ANKRD30B: variants seen among roughly 807,000 people sequenced by gnomAD.
The protein encoded by ANKRD30B is ankyrin repeat domain-containing protein 30B.
Under a neutral mutation model 202.2 loss-of-function variants are expected in ANKRD30B, and 144 were observed. The ratio of observed to expected loss-of-function variants is 0.71; its 90% CI spans 0.62 to 0.82. The LOEUF is 0.82. ANKRD30B is among the 40% of genes least tolerant of loss of function. The pLI, the probability that ANKRD30B is intolerant of heterozygous loss-of-function variation, is 0.00. For synonymous variants in ANKRD30B, 508 were observed against 561.3 expected (o/e 0.91, Z 1.34); for missense variants, 1,487 against 1,669.1 (o/e 0.89, Z 1.90).
chr18:14,908,830 G>A, the ANKRD30B span, among the ~76,000 whole-genome samples: 1 of 152,302 alleles, frequency 6.6e-6, no homozygotes, highest in Admixed American at 6.5e-5. Flanking sequence ...CTCCCCTGTG[G>A]TATGGGAGGA....
chr18:14,796,780 G>A (rs111810880), intron 18 of ANKRD30B, among the ~76,000 whole-genome samples: 8 of 136,660 alleles, frequency 5.9e-5, no homozygotes, highest in African/African-American at 2.1e-4. Context: ...ACAATTCACT[G>A]GATATACCCA....
the ANKRD30B span, among the ~76,000 whole-genome samples, chr18:14,868,033 A>G: frequency 2.6e-5 from 4 of 152,314 alleles, no homozygotes; most frequent in East Asian, 1.9e-4. Flanking sequence ...TGTGGCAGCC[A>G]TGGTGATGGA....
At chr18:14,821,155 G>A (rs578184710) in intron 30 of ANKRD30B, among the ~76,000 whole-genome samples, 2 of 152,130 alleles carry the variant, frequency 1.3e-5, no homozygotes, top group Non-Finnish European at 2.9e-5. Flanking sequence ...TTGCGTAGAG[G>A]TGTTTGTAGT....
chr18:14,871,382 A>T, the ANKRD30B span, among the ~76,000 whole-genome samples: 1 of 151,122 alleles, frequency 6.6e-6, no homozygotes, highest in Non-Finnish European at 1.5e-5. Flanking sequence ...TGTGTGCAGC[A>T]TAGAAAGGTC....
chr18:14,871,458 A>G, the ANKRD30B span, among the ~76,000 whole-genome samples: 1 of 151,280 alleles, frequency 6.6e-6, no homozygotes, highest in African/African-American at 2.4e-5. Flanking sequence ...TGATGGGGAC[A>G]AAGAATGCAC....
At chr18:14,915,317 A>T in the ANKRD30B span, among the ~76,000 whole-genome samples, 3 of 152,202 alleles carry the variant, frequency 2.0e-5, no homozygotes, top group East Asian at 5.8e-4. Context: ...AGAAAAAGAC[A>T]CTGCACCTCT....
intron 16 of ANKRD30B, among the ~76,000 whole-genome samples, chr18:14,793,755 G>A (rs1486352736): frequency 3.3e-5 from 5 of 151,906 alleles, no homozygotes; most frequent in South Asian, 2.1e-4. Flanking sequence ...TTAGCCGGGC[G>A]TGGCGGTGGG....
At chr18:14,879,349 T>C in the ANKRD30B span, among the ~76,000 whole-genome samples, 2 of 152,062 alleles carry the variant, frequency 1.3e-5, no homozygotes, top group African/African-American at 4.8e-5. Flanking sequence ...AAATGCAGCA[T>C]TCCTAATGCA....
At chr18:14,787,787 G>C (rs1281062009) in intron 15 of ANKRD30B, among the ~76,000 whole-genome samples, 1 of 152,212 alleles carries the variant, frequency 6.6e-6, no homozygotes, top group Non-Finnish European at 1.5e-5. Flanking sequence ...ACTGTGGAAA[G>C]ACATAGAAAG....
chr18:14,862,472 C>G, the ANKRD30B span, among the ~76,000 whole-genome samples: 1 of 152,154 alleles, frequency 6.6e-6, no homozygotes, highest in African/African-American at 2.4e-5. Flanking sequence ...AAAAAAGATC[C>G]TCAGAATATG....
chr18:14,930,146 G>A, the ANKRD30B span, among the ~76,000 whole-genome samples: 9 of 152,184 alleles, frequency 5.9e-5, no homozygotes, highest in African/African-American at 2.2e-4. Flanking sequence ...GGGGGAAGAA[G>A]CAGGACACTG....
At chr18:14,864,525 AT>A in the ANKRD30B span, among the ~76,000 whole-genome samples, 5 of 149,286 alleles carry the variant, frequency 3.3e-5, no homozygotes, top group South Asian at 2.1e-4. Flanking sequence ...TTTCCCCACC[AT>A]TTTTTCCCCA....
chr18:14,763,729 G>A lies in ANKRD30B; in HGVS notation c.864G>A (p.Ala288=), dbSNP rs371639612. 29 of 1,613,914 alleles carry A rather than the reference G, an allele frequency of 1.8e-5. No individual in the cohort carries two copies. The highest frequency in any genetic ancestry group is 1.6e-4 in the Middle Eastern group (1 of 6,084). ...CACCTGATGAGGCTGCACCCTTGGC[G>A]GAAAGAACACCTGACACGGCTGAAA... The part of the protein sequence containing the change: ...TGTPDEAAPL[A]ERTPDTAESL... The change falls in exon 7 of 44, where the codon GCG becomes GCA. Residue 288 remains alanine (A), a synonymous_variant. Transcript: ENST00000690538.
chr18:14,912,810 T>C, the ANKRD30B span, among the ~76,000 whole-genome samples: 1 of 152,256 alleles, frequency 6.6e-6, no homozygotes, highest in Non-Finnish European at 1.5e-5. Context: ...TGTTCTGTTT[T>C]GGATTTCTAC....
Position 14,815,734 on chromosome 18 carries a change from G to A in ANKRD30B, c.2641+1023G>A, listed in dbSNP as rs533170146. 3.3e-5 allele frequency among the ~76,000 whole-genome samples: 5 copies of A among 152,246 alleles called. No homozygotes were observed. The East Asian group carries it at 7.7e-4, about 23-fold the overall frequency. On this transcript the variant is annotated intron_variant, in intron 30 of 43. Coordinates refer to ENST00000690538, the MANE Select transcript of ANKRD30B (RefSeq NM_001367607.2). ...TTATAGTGATTTTAACATAGAAAAT[G>A]TTATTAATATTTAATAAGTCTGTTG...
intron 34 of ANKRD30B, among the ~76,000 whole-genome samples, chr18:14,833,422 C>T (rs1158526084): frequency 6.6e-6 from 1 of 152,142 alleles, no homozygotes; most frequent in Non-Finnish European, 1.5e-5. Flanking sequence ...CTAATCTTTT[C>T]TATTTTTAAT....
the ANKRD30B span, among the ~76,000 whole-genome samples, chr18:14,922,659 A>T: frequency 6.6e-6 from 1 of 151,184 alleles, no homozygotes; most frequent in Non-Finnish European, 1.5e-5. Context: ...CGTCTCAAAA[A>T]AAAAAAAAAA....
At chr18:14,775,626 G>A (rs1419643019) in intron 9 of ANKRD30B, among the ~76,000 whole-genome samples, 1 of 152,212 alleles carries the variant, frequency 6.6e-6, no homozygotes, top group Non-Finnish European at 1.5e-5. Context: ...TTAATAAGTA[G>A]ACATTCTTTT....
chr18:14,752,868 A>G lies in ANKRD30B; in HGVS notation c.366A>G (p.Ala122=). The G allele has an allele frequency of 1.9e-6, 3 of 1,610,208 alleles. No homozygotes were observed. Among genetic ancestry groups the G allele is most frequent in the Non-Finnish European group, 1.7e-6 (2 of 1,177,894 alleles). The part of the protein sequence containing the change: ...KALQCEREAC[A]NILIDAGADL... ...TACAATGCGAGAGGGAGGCTTGTGC[A>G]AATATTCTCATAGATGCTGGTGCTG... The change falls in exon 3 of 44, where the codon GCA becomes GCG. Residue 122 remains alanine (A), a synonymous_variant. Transcript: ENST00000690538.
Sources: allele counts gnomAD v4.1 joint callset (sites outside exome capture counted in the v4.1 genomes callset), GRCh38; gene constraint gnomAD v4.1.1; transcripts MANE v1.5; gene names NCBI Gene and HGNC (gene_info 2026-07-23, HGNC 2026-07-21).